STAU2: variants seen among roughly 807,000 people sequenced by gnomAD.
STAU2 encodes staufen double-stranded RNA binding protein 2.
A neutral mutation model predicts 65.9 loss-of-function variants in STAU2; 20 were observed. The observed-to-expected ratio is 0.30, with a 90% CI of 0.21 to 0.44. STAU2 has a LOEUF of 0.44. STAU2 is among the 20% of genes least tolerant of loss of function. STAU2 has a pLI of 1.00. For synonymous variants in STAU2, 232 were observed against 233.9 expected, an observed-to-expected ratio of 0.99 and a Z score of 0.07; for missense variants, 558 against 683.9, an observed-to-expected ratio of 0.82 and a Z score of 2.05.
In STAU2 at chr8:73,659,809, A is replaced by G. The variant is rs960523631; in HGVS notation, c.410+13298T>C. ...GTTGTTAAAATTTTTAAATAACTTT[A>G]GGACTAGAAAGATAGACCCCTTGTT... On this transcript the variant is annotated intron_variant, in intron 6 of 14. Coordinates refer to ENST00000524300, the MANE Select transcript of STAU2 (RefSeq NM_001164380.2). 2.0e-5 allele frequency among the ~76,000 whole-genome samples: 3 copies of G among 152,304 alleles called. No homozygotes were observed. In the South Asian group the frequency reaches 6.2e-4, roughly 32 times the overall value.
chr8:73,502,405 C>T (rs991378902), intron 13 of STAU2, among the ~76,000 whole-genome samples: 4 of 151,932 alleles, frequency 2.6e-5, no homozygotes, highest in South Asian at 4.1e-4. Context: ...CATTCAAATT[C>T]GTCATCCTAG....
intron 13 of STAU2, among the ~76,000 whole-genome samples, chr8:73,424,922 C>A (rs568892353): frequency 6.6e-6 from 1 of 151,932 alleles, no homozygotes; most frequent in Non-Finnish European, 1.5e-5. Flanking sequence ...ATGTGGTGCT[C>A]AAGTCTCAGT....
intron 12 of STAU2, among the ~76,000 whole-genome samples, chr8:73,557,845 C>T (rs79102387): frequency 0.035 from 5,377 of 152,230 alleles, 269 homozygotes; most frequent in Admixed American, 0.13. Flanking sequence ...ATCTTTTGTC[C>T]CTGGTTTTGC....
intron 1 of STAU2, among the ~76,000 whole-genome samples, chr8:73,745,409 C>T (rs1807200128): frequency 1.3e-5 from 2 of 152,258 alleles, no homozygotes; most frequent in African/African-American, 2.4e-5. Flanking sequence ...AAAGCAAGGA[C>T]GGGGAAGAAA....
intron 4 of STAU2, among the ~76,000 whole-genome samples, chr8:73,703,858 A>C (rs940426412): frequency 6.6e-6 from 1 of 152,188 alleles, no homozygotes; most frequent in Non-Finnish European, 1.5e-5. Context: ...GGACACTGGA[A>C]ATGTTTGTTC....
At chr8:73,619,099 T>C (rs1813045302) in intron 6 of STAU2, among the ~76,000 whole-genome samples, 1 of 152,080 alleles carries the variant, frequency 6.6e-6, no homozygotes, top group African/African-American at 2.4e-5. Flanking sequence ...AGAAATAATA[T>C]TTGGGAATCA....
At position 73,560,975 on chromosome 8, in the gene STAU2, G is replaced by A. The variant is rs1437728503; in HGVS notation, c.1223-8656C>T. 5.9e-5 allele frequency among the ~76,000 whole-genome samples: 9 copies of A among 151,968 alleles called. 1 individual carries two copies. The highest frequency in any genetic ancestry group is 1.5e-5 in the Non-Finnish European group (1 of 67,998). ...CAAAGAATATAAACCTGGGTATGGT[G>A]AATAAATTCATCATTCATCTTTTTT... On this transcript the variant is annotated intron_variant, in intron 12 of 14. Transcript: ENST00000524300.
intron 6 of STAU2, among the ~76,000 whole-genome samples, chr8:73,667,500 T>C (rs1305309941): frequency 1.3e-5 from 2 of 152,156 alleles, no homozygotes; most frequent in African/African-American, 4.8e-5. Flanking sequence ...TCTGTATTAC[T>C]TTTCCTTGCC....
At chr8:73,544,715 G>A (rs1023942664) in intron 13 of STAU2, among the ~76,000 whole-genome samples, 1 of 152,006 alleles carries the variant, frequency 6.6e-6, no homozygotes, top group Non-Finnish European at 1.5e-5. Context: ...ACCACACTTC[G>A]AGTTAACATT....
intron 4 of STAU2, among the ~76,000 whole-genome samples, chr8:73,697,692 AAGTT>A (rs2130581171): frequency 6.6e-6 from 1 of 152,366 alleles, no homozygotes; most frequent in South Asian, 2.1e-4. Flanking sequence ...AGCGGGGACA[AAGTT>A]AAAGTGTAGA....
chr8:73,682,097 T>C (rs1372098262), intron 5 of STAU2, among the ~76,000 whole-genome samples: 1 of 151,994 alleles, frequency 6.6e-6, no homozygotes, highest in Non-Finnish European at 1.5e-5. Context: ...AAAAAAACAA[T>C]GGACTTAAAC....
chr8:73,723,540 C>T (rs1417714285), intron 3 of STAU2, among the ~76,000 whole-genome samples: 1 of 152,190 alleles, frequency 6.6e-6, no homozygotes, highest in Non-Finnish European at 1.5e-5. Flanking sequence ...TTGAGTGTGT[C>T]CCACAGCTCA....
chr8:73,639,541 T>G lies in STAU2; in HGVS notation c.411-22090A>C, dbSNP rs117273724. Among the ~76,000 whole-genome samples the G allele has an allele frequency of 2.1e-3, 322 of 152,266 alleles. 1 individual carries two copies. The highest frequency in any genetic ancestry group is 0.01 in the Middle Eastern group (3 of 294). On this transcript the variant is annotated intron_variant, in intron 6 of 14. Coordinates refer to ENST00000524300, the MANE Select transcript of STAU2 (RefSeq NM_001164380.2). ...ATAGTAAGGTGCTAATGAGCCGTAC[T>G]TGGTACCCTCATGCTCGACAACCTT...
chr8:73,539,717 C>T (rs1052497387), intron 13 of STAU2, among the ~76,000 whole-genome samples: 4 of 152,066 alleles, frequency 2.6e-5, no homozygotes, highest in Non-Finnish European at 4.4e-5. Context: ...ATGGTGGGTG[C>T]CTGTAGTCCC....
chr8:73,511,248 T>G (rs1320089595), intron 13 of STAU2: 2 of 125,768 alleles, frequency 1.6e-5, no homozygotes, highest in African/African-American at 2.5e-5. Flanking sequence ...AAAGCACTTC[T>G]CTTTTGGTTT....
At chr8:73,576,749 A>G (rs1809593209) in intron 12 of STAU2, among the ~76,000 whole-genome samples, 1 of 152,224 alleles carries the variant, frequency 6.6e-6, no homozygotes, top group Non-Finnish European at 1.5e-5. Context: ...ACACTTTAAG[A>G]TTTTATAAAA....
chr8:73,514,195 A>G (rs1177840908), intron 13 of STAU2, among the ~76,000 whole-genome samples: 1 of 152,052 alleles, frequency 6.6e-6, no homozygotes, highest in Non-Finnish European at 1.5e-5. Context: ...TTTTCTCTGC[A>G]ATGTCTCTTT....
At chr8:73,431,520 A>T (rs181776949) in intron 13 of STAU2, among the ~76,000 whole-genome samples, 104 of 152,300 alleles carry the variant, frequency 6.8e-4, no homozygotes, top group African/African-American at 2.5e-3. Context: ...GTGTGTGCGT[A>T]TCTGTATGTG....
At chr8:73,511,054 G>A (rs1012194365) in intron 13 of STAU2, among the ~76,000 whole-genome samples, 3 of 152,252 alleles carry the variant, frequency 2.0e-5, no homozygotes, top group Non-Finnish European at 4.4e-5. Flanking sequence ...TCACCAAAGC[G>A]AGGCTGCTCT....
Sources: allele counts gnomAD v4.1 joint callset (sites outside exome capture counted in the v4.1 genomes callset), GRCh38; gene constraint gnomAD v4.1.1; transcripts MANE v1.5; gene names NCBI Gene and HGNC (gene_info 2026-07-23, HGNC 2026-07-21).